The following DNAH17 variants were observed in gnomAD, a reference collection of about 807,000 sequenced individuals.
The protein encoded by DNAH17 is axonemal beta dynein heavy chain 17.
DNAH17 carries 376 observed loss-of-function variants against 485.6 expected under a neutral mutation model. That is an observed-to-expected ratio of 0.77 (90% confidence interval 0.71 to 0.84). The LOEUF (loss-of-function observed/expected upper bound fraction) is 0.84. Ranked by LOEUF, DNAH17 falls within the 40% of genes least tolerant of loss-of-function variation. The pLI is 0.00. For missense variants in DNAH17, 6,370 were observed against 5,839.3 expected, an observed-to-expected ratio of 1.09 and a Z score of -2.96; for synonymous variants, 3,031 against 2,405.9, an observed-to-expected ratio of 1.26 and a Z score of -7.60.
At chr17:78,483,084 T>C (rs2089421752) in intron 48 of DNAH17, among the ~76,000 whole-genome samples, 1 of 152,004 alleles carries the variant, frequency 6.6e-6, no homozygotes, top group Non-Finnish European at 1.5e-5. Flanking sequence ...GCACCTGTCC[T>C]CCTCTCCTGT....
intron 14 of DNAH17, 91 bp downstream of exon 14, chr17:78,558,017 G>A (rs2092064655): frequency 3.5e-6 from 5 of 1,422,210 alleles, no homozygotes; most frequent in Non-Finnish European, 4.7e-6. Context: ...TTCCCAGGAA[G>A]AGCCACATCT....
chr17:78,494,494 G>T, intron 40 of DNAH17, 99 bp downstream of exon 40: 1 of 1,322,098 alleles, frequency 7.6e-7, no homozygotes, highest in Non-Finnish European at 1.1e-6. Context: ...CGGGAAACGT[G>T]CGTGTGTGAC....
At chr17:78,494,259 T>A in intron 40 of DNAH17, 86 bp from the exon 41 acceptor site, 39 of 1,517,802 alleles carry the variant, frequency 2.6e-5, no homozygotes, top group Non-Finnish European at 3.4e-5. Flanking sequence ...TCCTGCCCCG[T>A]GGGGGAGATG....
chr17:78,459,802 G>A lies in DNAH17; in HGVS notation c.9635C>T (p.Ala3212Val). The A allele has an allele frequency of 6.2e-7, 1 of 1,614,040 alleles. No individual in the cohort carries two copies. The highest frequency in any genetic ancestry group is 8.5e-7 in the Non-Finnish European group (1 of 1,179,888). The change falls in exon 60 of 81, where the codon GCC (alanine) becomes GTC (valine). Residue 3212 changes from alanine (A) to valine (V), a missense_variant. Transcript: ENST00000389840. ...GACTCACTTGAAGGCCTTCAGGCAG[G>A]CCTCAGGGATGTGCTCCTTGTCGAA... ...KKFDKEHIPE[A>V]CLKAFKPYQG...
chr17:78,479,708 A>C (rs2089265198), intron 49 of DNAH17, 76 bp from the exon 50 acceptor site: 1 of 1,589,130 alleles, frequency 6.3e-7, no homozygotes, highest in Non-Finnish European at 8.5e-7. Context: ...CCTTCGCGGG[A>C]GAGTGGCCCC....
At chr17:78,541,668 G>A (rs796847739) in intron 17 of DNAH17, among the ~76,000 whole-genome samples, 8 of 152,058 alleles carry the variant, frequency 5.3e-5, no homozygotes, top group African/African-American at 1.9e-4. Context: ...TGTTGCCTCT[G>A]CCCCTCTTAG....
chr17:78,577,016 G>T (rs936605520), intron 1 of DNAH17, among the ~76,000 whole-genome samples: 1 of 152,206 alleles, frequency 6.6e-6, no homozygotes, highest in Non-Finnish European at 1.5e-5. Context: ...GGAGGAAGCT[G>T]GGGCTAGGGG....
intron 56 of DNAH17, among the ~76,000 whole-genome samples, chr17:78,465,967 T>C (rs1375167675): frequency 1.3e-5 from 2 of 152,072 alleles, no homozygotes; most frequent in Non-Finnish European, 2.9e-5. Context: ...AGGATGACAG[T>C]GGCGGCTTTG....
Position 78,463,064 on chromosome 17 carries a change from G to A in DNAH17, c.8954C>T (p.Ala2985Val), listed in dbSNP as rs757655644. Reference protein sequence around the residue: ...ETEGIPWEVKASISFFMSYVH... With the variant: ...ETEGIPWEVKVSISFFMSYVH... Reference sequence around the variant, plus strand: ...GTAGGACATGAAGAAGCTGATGGAGGCCTTGACTTCCCACTACAAAGATGA... The same window carrying A: ...GTAGGACATGAAGAAGCTGATGGAGACCTTGACTTCCCACTACAAAGATGA... Residue 2985 changes from alanine (A) to valine (V), a missense_variant, in exon 57 of 81, where the codon GCC (alanine) becomes GTC (valine). Physicochemically the swap from Ala to Val is moderately conservative, Grantham distance 64. Transcript: ENST00000389840. 2.6e-5 allele frequency: 42 copies of A among 1,613,700 alleles called. No individual in the cohort carries two copies. The highest frequency in any genetic ancestry group is 3.1e-5 in the Non-Finnish European group (36 of 1,179,830).
At chr17:78,492,875 G>C (rs1441069418) in intron 41 of DNAH17, 110 bp from the exon 42 acceptor site, 1 of 715,356 alleles carries the variant, frequency 1.4e-6, no homozygotes, top group Non-Finnish European at 1.8e-6. Flanking sequence ...TTTTGAGATG[G>C]AGTTTCACTC....
chr17:78,457,185 A>G (rs2087844653), intron 62 of DNAH17, among the ~76,000 whole-genome samples: 1 of 152,222 alleles, frequency 6.6e-6, no homozygotes, highest in African/African-American at 2.4e-5. Flanking sequence ...ACCCCGGCCA[A>G]CATGGTGAAA....
At chr17:78,427,709 C>T (rs2086525016) in intron 77 of DNAH17, among the ~76,000 whole-genome samples, 1 of 152,196 alleles carries the variant, frequency 6.6e-6, no homozygotes, top group African/African-American at 2.4e-5. Context: ...CAGTGGCTCA[C>T]GCCTGTAACC....
chr17:78,440,957 G>T, intron 72 of DNAH17, 94 bp downstream of exon 72: 1 of 1,440,994 alleles, frequency 6.9e-7, no homozygotes, highest in Non-Finnish European at 9.5e-7. Flanking sequence ...GGTGTGAAGT[G>T]GTGTCTCATG....
intron 56 of DNAH17, among the ~76,000 whole-genome samples, chr17:78,465,275 C>T (rs1027796935): frequency 1.3e-5 from 2 of 151,772 alleles, no homozygotes; most frequent in Non-Finnish European, 1.5e-5. Flanking sequence ...GATCTCGGCT[C>T]GCTACAACCT....
At position 78,449,429 on chromosome 17, in the gene DNAH17, T is replaced by C. The variant is rs2087450603; in HGVS notation, c.11196A>G (p.Ala3732=). 8 of 1,550,362 alleles carry C rather than the reference T, an allele frequency of 5.2e-6. No individual in the cohort carries two copies. Among genetic ancestry groups the C allele is most frequent in the Non-Finnish European group, 7.0e-6 (8 of 1,146,282 alleles). The part of the protein sequence containing the change: ...LFERDKLIFL[A]QVTFQVLSMK... ...TAGACATTACCTGAAACGTAACTTG[T>C]GCCAGGAAAATGAGTTTGTCCCTCT... Residue 3732 remains alanine (A), a synonymous_variant, in exon 69 of 81, where the codon GCA becomes GCG. Transcript: ENST00000389840.
chr17:78,550,285 G>A (rs1256039608), intron 16 of DNAH17, among the ~76,000 whole-genome samples: 6 of 17,532 alleles, frequency 3.4e-4, no homozygotes, highest in African/African-American at 1.8e-3. Context: ...GAAGAACTCT[G>A]CACGCCCCAG....
intron 42 of DNAH17, among the ~76,000 whole-genome samples, chr17:78,492,384 C>T (rs978147312): frequency 6.6e-6 from 1 of 152,160 alleles, no homozygotes; most frequent in Non-Finnish European, 1.5e-5. Flanking sequence ...TTGGCCTGCT[C>T]GGGGCAGGCC....
chr17:78,572,478 C>T (rs1360498576), intron 3 of DNAH17, among the ~76,000 whole-genome samples: 1 of 152,112 alleles, frequency 6.6e-6, no homozygotes, highest in African/African-American at 2.4e-5. Context: ...GCCAGAGCCC[C>T]AGGGGCTGCA....
chr17:78,460,209 C>G lies in DNAH17; in HGVS notation c.9388G>C (p.Glu3130Gln). 6.2e-7 allele frequency: 1 copy of G among 1,608,748 alleles called. No individual in the cohort carries two copies. The highest frequency in any genetic ancestry group is 8.5e-7 in the Non-Finnish European group (1 of 1,177,180). ...KACETDLAKA[E>Q]PALLAAQEAL... ...TCCTGGGCTGCCAGCAGGGCCGGTT[C>G]TGCTTTGGCCAGGTCTGTTTCACAG... The change falls in exon 59 of 81, where the codon GAA (glutamate) becomes CAA (glutamine). Residue 3130 changes from glutamate (E) to glutamine (Q), a missense_variant. Coordinates refer to ENST00000389840, the MANE Select transcript of DNAH17 (RefSeq NM_173628.4).
Sources: gnomAD v4.1 joint callset for allele counts (sites outside exome capture counted in the v4.1 genomes callset) on GRCh38, gnomAD v4.1.1 for gene constraint, MANE v1.5 for transcripts, NCBI Gene and HGNC (gene_info 2026-07-23, HGNC 2026-07-21) for gene names.